OSGIN2: variants seen among roughly 807,000 people sequenced by gnomAD.
The protein encoded by OSGIN2 is oxidative stress induced growth inhibitor family member 2, also known as oxidative stress-induced growth inhibitor 2.
In OSGIN2, 19 loss-of-function variants were observed where a neutral mutation model predicts 53.8. The ratio of observed to expected loss-of-function variants is 0.35; its 90% CI spans 0.25 to 0.52. OSGIN2 has a LOEUF of 0.52. Ranked by LOEUF, OSGIN2 falls within the 20% of genes least tolerant of loss-of-function variation. The probability of loss-of-function intolerance (pLI) is 0.95; values close to 1 mark genes in which losing one functional copy is unlikely to be tolerated. For synonymous variants in OSGIN2, 236 were observed against 236.0 expected, an observed-to-expected ratio of 1.00 and a Z score of 0.00; for missense variants, 520 against 662.7, an observed-to-expected ratio of 0.78 and a Z score of 2.36.
chr8:89,904,744 A>T (rs990521631), intron 1 of OSGIN2, among the ~76,000 whole-genome samples: 2 of 152,162 alleles, frequency 1.3e-5, no homozygotes, highest in Admixed American at 1.3e-4. Flanking sequence ...TGAACCCAGG[A>T]GACACGTTGC....
chr8:89,925,125 CT>C lies in OSGIN2; in HGVS notation c.1247del (p.Leu416TyrfsTer19). On this transcript the variant is annotated frameshift_variant, in exon 6 of 6. Coordinates refer to ENST00000451899, the MANE Select transcript of OSGIN2 (RefSeq NM_001126111.3). LOFTEE classifies it high-confidence loss of function. ...CTQSYSVDSN[L>X]LSDYTSFPEH... ...TCAGTCATATTCTGTAGACTCAAAT[CT>C]TTTATCTGATTATACCAGCTTTCCC... The C allele has an allele frequency of 6.2e-7, 1 of 1,614,050 alleles. No homozygotes were observed. Among genetic ancestry groups the C allele is most frequent in the Non-Finnish European group, 8.5e-7 (1 of 1,179,918 alleles).
chr8:89,905,144 TA>T, intron 1 of OSGIN2, among the ~76,000 whole-genome samples: 1 of 152,248 alleles, frequency 6.6e-6, no homozygotes, highest in East Asian at 1.9e-4. Context: ...GTTATCCTGA[TA>T]CTATGTCCAC....
intron 5 of OSGIN2, chr8:89,921,446 T>C (rs1245220381): frequency 9.9e-6 from 3 of 302,388 alleles, no homozygotes; most frequent in Admixed American, 4.6e-5. Context: ...ACTCTCTGTT[T>C]AGTTACTTTC....
intron 1 of OSGIN2, among the ~76,000 whole-genome samples, chr8:89,909,107 C>T (rs975869126): frequency 1.2e-4 from 17 of 137,772 alleles, no homozygotes; most frequent in Admixed American, 8.9e-4. Context: ...ATGTATAAAC[C>T]TAATTTCTTA....
intron 1 of OSGIN2, among the ~76,000 whole-genome samples, chr8:89,906,857 C>T (rs1206069082): frequency 6.6e-6 from 1 of 152,182 alleles, no homozygotes; most frequent in African/African-American, 2.4e-5. Flanking sequence ...AATCACCACA[C>T]TATTCCACAA....
intron 1 of OSGIN2, among the ~76,000 whole-genome samples, chr8:89,903,960 G>T (rs998888169): frequency 6.6e-6 from 1 of 152,154 alleles, no homozygotes; most frequent in African/African-American, 2.4e-5. Context: ...TCAGAGAAGA[G>T]GTTAAGAAGC....
At position 89,902,764 on chromosome 8, in the gene OSGIN2, C is replaced by T; in HGVS notation, c.-30C>T. On this transcript the variant is annotated 5_prime_UTR_variant, in exon 1 of 6. Coordinates refer to ENST00000451899, the MANE Select transcript of OSGIN2 (RefSeq NM_001126111.3). ...GGGAGGCGGAGGCGGCCACGGCGGC[C>T]GCGCTCGGGCGCCCCTCGCGCAGCG... 1 of 1,219,722 alleles carries T rather than the reference C, an allele frequency of 8.2e-7. No individual in the cohort carries two copies. Among genetic ancestry groups the T allele is most frequent in the Non-Finnish European group, 1.0e-6 (1 of 971,700 alleles). The allele number at this position is 1,219,722 out of a possible 1,614,324, so 75.6% of individuals were successfully genotyped here. A position where few individuals can be genotyped will look rare whatever the true frequency, so the allele number is the denominator to read the frequency against.
intron 5 of OSGIN2, among the ~76,000 whole-genome samples, chr8:89,923,677 T>A (rs529648077): frequency 1.3e-5 from 2 of 152,352 alleles, no homozygotes; most frequent in African/African-American, 4.8e-5. Context: ...TAGGCTAAGC[T>A]TTGATGTTCA....
intron 4 of OSGIN2, among the ~76,000 whole-genome samples, chr8:89,920,158 C>T (rs1216795169): frequency 6.6e-6 from 1 of 152,166 alleles, no homozygotes; most frequent in East Asian, 1.9e-4. Context: ...ATTCCAGGTT[C>T]TGAACCTGGT....
chr8:89,903,126 CAGT>C (rs1167802104), intron 1 of OSGIN2, among the ~76,000 whole-genome samples: 4 of 152,146 alleles, frequency 2.6e-5, no homozygotes, highest in African/African-American at 9.7e-5. Flanking sequence ...TGAGACTTCC[CAGT>C]AGTGCAAAGT....
intron 1 of OSGIN2, among the ~76,000 whole-genome samples, chr8:89,907,257 AGTTT>A (rs1324066297): frequency 6.7e-6 from 1 of 149,858 alleles, no homozygotes; most frequent in Non-Finnish European, 1.5e-5. Flanking sequence ...GAAGCTCGTT[AGTTT>A]AATTAGATAC....
chr8:89,911,401 G>A lies in OSGIN2; in HGVS notation c.199+1680G>A, dbSNP rs553998564. On this transcript the variant is annotated intron_variant, in intron 2 of 5. Coordinates refer to ENST00000451899, the MANE Select transcript of OSGIN2 (RefSeq NM_001126111.3). ...CCCAGAACTTTGGGAGGCTGAGGTG[G>A]GCTGGATCATCTGAGCACAGGAGTT... 7.9e-5 allele frequency among the ~76,000 whole-genome samples: 12 copies of A among 152,212 alleles called. 1 individual carries two copies. In the South Asian group the frequency reaches 2.5e-3, roughly 32 times the overall value.
rs186376070 is a variant in OSGIN2 at position 89,925,813 on chromosome 8, G to T, written c.*281G>T. 2.6e-4 allele frequency: 83 copies of T among 323,056 alleles called. No homozygotes were observed. The highest frequency in any genetic ancestry group is 1.9e-3 in the Middle Eastern group (2 of 1,050). The allele number at this position is 323,056 out of a possible 1,614,324, so 20.0% of individuals were successfully genotyped here. A position where few individuals can be genotyped will look rare whatever the true frequency, so the allele number is the denominator to read the frequency against. On this transcript the variant is annotated 3_prime_UTR_variant, in exon 6 of 6. Coordinates refer to ENST00000451899, the MANE Select transcript of OSGIN2 (RefSeq NM_001126111.3). ...TTTTCTTGCAAAACTTATTTTTCAT[G>T]ATCATTTTTGGTTATTTATTATACT...
chr8:89,912,904 G>A (rs761037929), intron 2 of OSGIN2, among the ~76,000 whole-genome samples: 17 of 152,132 alleles, frequency 1.1e-4, no homozygotes, highest in Non-Finnish European at 2.2e-4. Context: ...TGGTTCTCTA[G>A]CACTGAGTCC....
chr8:89,918,539 C>T (rs901229976), intron 4 of OSGIN2, among the ~76,000 whole-genome samples: 3 of 152,144 alleles, frequency 2.0e-5, no homozygotes, highest in Admixed American at 2.0e-4. Context: ...CTTCATTCTC[C>T]CTGGGTTATC....
At chr8:89,912,782 T>A (rs1440096060) in intron 2 of OSGIN2, among the ~76,000 whole-genome samples, 1 of 151,494 alleles carries the variant, frequency 6.6e-6, no homozygotes, top group East Asian at 1.9e-4. Flanking sequence ...AAACTCCTGA[T>A]CCCTCCTGAT....
intron 4 of OSGIN2, among the ~76,000 whole-genome samples, chr8:89,920,693 TTAA>T (rs1228194557): frequency 9.9e-5 from 15 of 152,236 alleles, no homozygotes; most frequent in Non-Finnish European, 2.9e-5. Context: ...ATTTTGGAAC[TTAA>T]TGAACATTTT....
intron 4 of OSGIN2, among the ~76,000 whole-genome samples, chr8:89,920,103 T>A (rs1384900256): frequency 6.6e-6 from 1 of 152,196 alleles, no homozygotes; most frequent in African/African-American, 2.4e-5. Flanking sequence ...AGGTTCCAAA[T>A]AATCTCTGAT....
chr8:89,924,527 G>T lies in OSGIN2; in HGVS notation c.645G>T (p.Met215Ile). The change falls in exon 6 of 6, where the codon ATG (methionine) becomes ATT (isoleucine). Residue 215 changes from methionine to isoleucine, a missense_variant. Met to Ile is a conservative substitution (Grantham distance 10). Coordinates refer to ENST00000451899, the MANE Select transcript of OSGIN2 (RefSeq NM_001126111.3). The stretch of plus-strand genomic sequence containing the variant: ...GGAGCCTAAAAGGGGATCGAGTTAT[G>T]CCAGAGGAAATAGCTCGCTACTATA... ...KRRSLKGDRVMPEEIARYYKH... is the reference protein window; with the variant it reads ...KRRSLKGDRVIPEEIARYYKH... 1.9e-6 allele frequency: 3 copies of T among 1,610,762 alleles called. No homozygotes were observed. The highest frequency in any genetic ancestry group is 1.7e-6 in the Non-Finnish European group (2 of 1,178,576).
Sources: gnomAD v4.1 joint callset for allele counts (sites outside exome capture counted in the v4.1 genomes callset) on GRCh38, gnomAD v4.1.1 for gene constraint, MANE v1.5 for transcripts, NCBI Gene and HGNC (gene_info 2026-07-23, HGNC 2026-07-21) for gene names.